ARFIP1: variants seen among roughly 807,000 people sequenced by gnomAD.
The protein encoded by ARFIP1 is arfaptin-1.
A neutral mutation model predicts 42.5 loss-of-function variants in ARFIP1; 24 were observed. The observed-to-expected ratio is 0.57, with a 90% confidence interval of 0.41 to 0.80. The LOEUF is 0.80. Among genes scored for constraint, ARFIP1 ranks in the 30% least tolerant of loss-of-function variants. The pLI, the probability that ARFIP1 is intolerant of heterozygous loss-of-function variation, is 0.00. For synonymous variants in ARFIP1, 141 were observed against 153.7 expected (o/e 0.92, Z 0.61); for missense variants, 354 against 434.0 (o/e 0.82, Z 1.64).
chr4:152,853,881 G>C (rs1221635606), intron 2 of ARFIP1, among the ~76,000 whole-genome samples: 1 of 146,734 alleles, frequency 6.8e-6, no homozygotes, highest in Non-Finnish European at 1.5e-5. Flanking sequence ...TCTTTCAAAA[G>C]ACCTGTCTTC....
chr4:152,878,660 A>G (rs995664628), intron 5 of ARFIP1, among the ~76,000 whole-genome samples: 2 of 152,024 alleles, frequency 1.3e-5, no homozygotes, highest in Non-Finnish European at 2.9e-5. Context: ...TACTCTTCCC[A>G]CTGCTTTGGC....
chr4:152,900,333 G>GC (rs1425412899), intron 8 of ARFIP1, among the ~76,000 whole-genome samples: 1 of 152,160 alleles, frequency 6.6e-6, no homozygotes, highest in Non-Finnish European at 1.5e-5. Context: ...TCTGTGACCT[G>GC]CTGTTACTGG....
intron 1 of ARFIP1, among the ~76,000 whole-genome samples, chr4:152,811,762 A>G (rs970368474): frequency 1.8e-4 from 27 of 152,232 alleles, no homozygotes; most frequent in Admixed American, 1.2e-3. Context: ...TTGAATTTAA[A>G]TTCAATTTCA....
intron 2 of ARFIP1, among the ~76,000 whole-genome samples, chr4:152,833,865 G>C (rs973853644): frequency 6.6e-6 from 1 of 152,170 alleles, no homozygotes; most frequent in African/African-American, 2.4e-5. Context: ...GGTGATTATA[G>C]GGAGTATGTT....
At chr4:152,848,901 C>T (rs918504068) in intron 2 of ARFIP1, among the ~76,000 whole-genome samples, 17 of 152,144 alleles carry the variant, frequency 1.1e-4, no homozygotes, top group African/African-American at 3.9e-4. Flanking sequence ...ACGTTACTCA[C>T]ACATAAAAAA....
intron 1 of ARFIP1, among the ~76,000 whole-genome samples, chr4:152,791,158 ATAATG>A (rs1205466315): frequency 1.3e-5 from 2 of 152,220 alleles, no homozygotes. Context: ...AGACAGAAGA[ATAATG>A]TAAGTTATTC....
At chr4:152,880,593 A>G (rs1735756114) in intron 5 of ARFIP1, among the ~76,000 whole-genome samples, 1 of 152,202 alleles carries the variant, frequency 6.6e-6, no homozygotes, top group African/African-American at 2.4e-5. Flanking sequence ...ATTTGAAAGC[A>G]GTAGGAGAGT....
chr4:152,789,152 G>A (rs1032819659), intron 1 of ARFIP1, among the ~76,000 whole-genome samples: 3 of 129,716 alleles, frequency 2.3e-5, no homozygotes, highest in African/African-American at 6.0e-5. Context: ...GTGCAGTAAC[G>A]CAATCTCGGC....
chr4:152,840,912 G>A (rs939677731), intron 2 of ARFIP1, among the ~76,000 whole-genome samples: 2 of 151,162 alleles, frequency 1.3e-5, no homozygotes, highest in African/African-American at 4.9e-5. Context: ...TAGAGACAGG[G>A]TTTCACCGTG....
intron 5 of ARFIP1, among the ~76,000 whole-genome samples, chr4:152,873,342 T>C (rs1735051501): frequency 6.6e-6 from 1 of 152,212 alleles, no homozygotes. Flanking sequence ...CTTTCTTACA[T>C]CTTCTCAACA....
At chr4:152,894,039 G>A (rs1275338727) in intron 8 of ARFIP1, among the ~76,000 whole-genome samples, 2 of 151,876 alleles carry the variant, frequency 1.3e-5, no homozygotes, top group African/African-American at 4.8e-5. Flanking sequence ...CCAACATGGT[G>A]AAACCTCGTC....
chr4:152,822,296 TAAAAAAA>T (rs70949618), intron 1 of ARFIP1, among the ~76,000 whole-genome samples: 11 of 65,580 alleles, frequency 1.7e-4, no homozygotes, highest in Non-Finnish European at 3.0e-4. Context: ...GCAACAGCAG[TAAAAAAA>T]AAAAAAAAAA....
At chr4:152,863,456 A>G (rs1734044328) in intron 2 of ARFIP1, 150 bp from the exon 3 acceptor site, 3 of 507,672 alleles carry the variant, frequency 5.9e-6, no homozygotes, top group South Asian at 2.5e-5. Flanking sequence ...ATTATACATC[A>G]TTATAGAATG....
At chr4:152,909,426 A>T (rs1738660815) in intron 8 of ARFIP1, among the ~76,000 whole-genome samples, 1 of 152,158 alleles carries the variant, frequency 6.6e-6, no homozygotes, top group African/African-American at 2.4e-5. Flanking sequence ...CTCAGGAAAC[A>T]GTTTATAAAT....
intron 5 of ARFIP1, among the ~76,000 whole-genome samples, chr4:152,880,665 T>A (rs969127336): frequency 6.6e-6 from 1 of 152,228 alleles, no homozygotes; most frequent in Non-Finnish European, 1.5e-5. Flanking sequence ...ATGCCAAATA[T>A]CTCTGTTTTA....
chr4:152,848,566 A>T (rs1023576067), intron 2 of ARFIP1, among the ~76,000 whole-genome samples: 2 of 152,210 alleles, frequency 1.3e-5, no homozygotes, highest in Non-Finnish European at 2.9e-5. Flanking sequence ...CTGCAATATC[A>T]TACACTACGA....
chr4:152,906,274 A>G (rs1738352093), intron 8 of ARFIP1, among the ~76,000 whole-genome samples: 1 of 152,200 alleles, frequency 6.6e-6, no homozygotes, highest in South Asian at 2.1e-4. Flanking sequence ...CCCAAATTAC[A>G]ACTCTAGCCC....
In ARFIP1 at chr4:152,912,015, CTT is replaced by C. The variant is rs1738886029; in HGVS notation, c.*1797_*1798del. 1 of 152,590 alleles carries C rather than the reference CTT, an allele frequency of 6.6e-6. No individual in the cohort carries two copies. Among genetic ancestry groups the C allele is most frequent in the East Asian group, 1.9e-4 (1 of 5,190 alleles). 9.5% of individuals were successfully genotyped at this position (152,590 alleles called of 1,614,324 possible). On this transcript the variant is annotated 3_prime_UTR_variant, in exon 9 of 9. Transcript: ENST00000353617. ...CTTAAAAAAAAAGGTACTTCTGTCA[CTT>C]ATAATTGTTTTAGCTCAGTAAGCTA... is the stretch of plus-strand genomic sequence containing the variant.
intron 8 of ARFIP1, among the ~76,000 whole-genome samples, chr4:152,900,115 G>A (rs1737693327): frequency 6.6e-6 from 1 of 151,890 alleles, no homozygotes; most frequent in Non-Finnish European, 1.5e-5. Flanking sequence ...GCTCTTGGAA[G>A]GAAGGAAGGA....
Sources: allele counts gnomAD v4.1 joint callset (sites outside exome capture counted in the v4.1 genomes callset), GRCh38; gene constraint gnomAD v4.1.1; transcripts MANE v1.5; gene names NCBI Gene and HGNC (gene_info 2026-07-23, HGNC 2026-07-21).